The following INPP4B variants were observed in gnomAD, a reference collection of about 807,000 sequenced individuals.
INPP4B encodes inositol polyphosphate 4-phosphatase type II.
A neutral mutation model predicts 122.5 loss-of-function variants in INPP4B; 55 were observed. That is an observed-to-expected ratio of 0.45 (90% CI 0.36 to 0.56). INPP4B has a LOEUF of 0.56. INPP4B is among the 20% of genes least tolerant of loss of function. The pLI, the probability that INPP4B is intolerant of heterozygous loss-of-function variation, is 0.00. For missense variants in INPP4B, 1,000 were observed against 1,097.7 expected (o/e 0.91, Z 1.26); for synonymous variants, 403 against 388.7 (o/e 1.04, Z -0.43).
chr4:142,582,209 T>C (rs1298085574), intron 2 of INPP4B, among the ~76,000 whole-genome samples: 1 of 142,326 alleles, frequency 7.0e-6, no homozygotes, highest in South Asian at 2.3e-4. Flanking sequence ...AAAAAAAAAA[T>C]CTACTCACAA....
At chr4:142,753,734 G>T (rs1406316667) in intron 1 of INPP4B, among the ~76,000 whole-genome samples, 7 of 151,898 alleles carry the variant, frequency 4.6e-5, no homozygotes. Context: ...TAAATAAATT[G>T]TTTTCCCTCC....
chr4:142,596,213 C>T (rs2150273086), intron 2 of INPP4B, among the ~76,000 whole-genome samples: 1 of 152,190 alleles, frequency 6.6e-6, no homozygotes, highest in South Asian at 2.1e-4. Context: ...TATGATTCTT[C>T]CACTTAGTCC....
intron 2 of INPP4B, among the ~76,000 whole-genome samples, chr4:142,662,922 C>A (rs905110911): frequency 1.3e-5 from 2 of 152,150 alleles, no homozygotes; most frequent in African/African-American, 4.8e-5. Flanking sequence ...GGGCTGGTCT[C>A]ATAATTAAAA....
chr4:142,415,140 T>C (rs1043930066), intron 5 of INPP4B, among the ~76,000 whole-genome samples: 2 of 152,094 alleles, frequency 1.3e-5, no homozygotes, highest in Non-Finnish European at 2.9e-5. Context: ...TGGGAGCCAA[T>C]AGGATTTCTG....
chr4:142,181,129 A>G (rs1179131908), intron 15 of INPP4B, among the ~76,000 whole-genome samples: 1 of 152,202 alleles, frequency 6.6e-6, no homozygotes. Context: ...AAGAGCTTGC[A>G]AACCTAAGGC....
intron 12 of INPP4B, among the ~76,000 whole-genome samples, chr4:142,212,692 C>G (rs866872963): frequency 6.6e-6 from 1 of 152,126 alleles, no homozygotes; most frequent in Non-Finnish European, 1.5e-5. Flanking sequence ...ATTGTGTCCC[C>G]TGACAGAACA....
chr4:142,790,317 T>C (rs1375875211), intron 1 of INPP4B, among the ~76,000 whole-genome samples: 2 of 151,876 alleles, frequency 1.3e-5, no homozygotes, highest in East Asian at 3.9e-4. Flanking sequence ...TCTATACATC[T>C]GACAAAGGAC....
rs565640748 is a variant in INPP4B, at chr4:142,504,134, C to G, written c.-190-41408G>C. On this transcript the variant is annotated intron_variant, in intron 2 of 25. Transcript: ENST00000262992. ...GATTTAGAAAAATATATTTGCCAAG[C>G]AAATGGTATACTAAGGGTTAATTAT... is the stretch of plus-strand genomic sequence containing the variant. Among the ~76,000 whole-genome samples, 6 of 151,912 alleles carry G rather than the reference C, an allele frequency of 3.9e-5. No homozygotes were observed. In the East Asian group the frequency reaches 9.7e-4, roughly 25 times the overall value.
At chr4:142,275,542 C>A (rs1190163534) in intron 9 of INPP4B, among the ~76,000 whole-genome samples, 1 of 151,774 alleles carries the variant, frequency 6.6e-6, no homozygotes, top group African/African-American at 2.4e-5. Flanking sequence ...CAAACAGATT[C>A]ACTGAGTGAG....
intron 2 of INPP4B, among the ~76,000 whole-genome samples, chr4:142,463,523 T>C (rs967988750): frequency 6.6e-6 from 1 of 152,212 alleles, no homozygotes; most frequent in Non-Finnish European, 1.5e-5. Context: ...TCTTAATTTG[T>C]ATACTTTCAC....
At position 142,839,937 on chromosome 4, in the gene INPP4B, A is replaced by G. The variant is rs986873443; in HGVS notation, c.-254+6272T>C. 3.2e-4 allele frequency among the ~76,000 whole-genome samples: 49 copies of G among 152,332 alleles called. 1 individual carries two copies. The highest frequency in any genetic ancestry group is 2.4e-3 in the Admixed American group (37 of 15,298). On this transcript the variant is annotated intron_variant, in intron 1 of 25. Coordinates refer to ENST00000262992, the MANE Select transcript of INPP4B (RefSeq NM_001101669.3). ...TGAACATGGCTGAAATGTCCACCAC[A>G]TTGATCTTGAGGACATTCCAACCAG...
intron 1 of INPP4B, among the ~76,000 whole-genome samples, chr4:142,764,113 G>C (rs1561042892): frequency 6.6e-6 from 1 of 151,956 alleles, no homozygotes; most frequent in Non-Finnish European, 1.5e-5. Flanking sequence ...ACATCCTCAA[G>C]ATATTTTTAT....
At chr4:142,412,775 C>G (rs562867647) in intron 5 of INPP4B, among the ~76,000 whole-genome samples, 16 of 152,160 alleles carry the variant, frequency 1.1e-4, no homozygotes, top group Admixed American at 3.3e-4. Flanking sequence ...ATCGGGCAAG[C>G]CTGCTTTTTA....
At position 142,709,889 on chromosome 4, in the gene INPP4B, A is replaced by C. The variant is rs149484715; in HGVS notation, c.-191+15950T>G. On this transcript the variant is annotated intron_variant, in intron 2 of 25. Transcript: ENST00000262992. ...TTCTTCATACTGTTCTATAAGCTTTAGCATTGCATTAGCATAGATTTACAG... is the reference window on the plus strand; with the variant it reads ...TTCTTCATACTGTTCTATAAGCTTTCGCATTGCATTAGCATAGATTTACAG... Among the ~76,000 whole-genome samples, 686 of 152,330 alleles carry C rather than the reference A, an allele frequency of 4.5e-3. 5 individuals carry two copies. The highest frequency in any genetic ancestry group is 0.015 in the African/African-American group (637 of 41,570).
intron 2 of INPP4B, among the ~76,000 whole-genome samples, chr4:142,478,198 G>A (rs1366462689): frequency 2.0e-5 from 3 of 151,976 alleles, no homozygotes; most frequent in Admixed American, 6.6e-5. Flanking sequence ...AAGTTTTTTC[G>A]GTATAGATGT....
intron 5 of INPP4B, among the ~76,000 whole-genome samples, chr4:142,410,321 T>C (rs756367036): frequency 3.3e-5 from 5 of 152,260 alleles, no homozygotes; most frequent in Non-Finnish European, 7.3e-5. Flanking sequence ...GAATTGGTGG[T>C]CAACCCCAAG....
chr4:142,167,192 C>G (rs1227410493), intron 16 of INPP4B, among the ~76,000 whole-genome samples: 1 of 150,652 alleles, frequency 6.6e-6, no homozygotes, highest in South Asian at 2.1e-4. Context: ...TACATACACA[C>G]CATGGAATAC....
chr4:142,635,972 C>A (rs1172687834), intron 2 of INPP4B, among the ~76,000 whole-genome samples: 1 of 152,120 alleles, frequency 6.6e-6, no homozygotes, highest in African/African-American at 2.4e-5. Context: ...TGTCCCCACC[C>A]AAATTTCACC....
At chr4:142,760,252 T>C (rs1771132174) in intron 1 of INPP4B, among the ~76,000 whole-genome samples, 1 of 152,148 alleles carries the variant, frequency 6.6e-6, no homozygotes, top group Non-Finnish European at 1.5e-5. Flanking sequence ...TCTTATGCCA[T>C]CATATTTAAG....
Sources: allele counts gnomAD v4.1 joint callset (sites outside exome capture counted in the v4.1 genomes callset), GRCh38; gene constraint gnomAD v4.1.1; transcripts MANE v1.5; gene names NCBI Gene and HGNC (gene_info 2026-07-23, HGNC 2026-07-21).